The following PNP variants were observed in gnomAD, a reference collection of about 807,000 sequenced individuals.
PNP encodes HEL-S-156an.
In PNP, 18 loss-of-function variants were observed where a neutral mutation model predicts 26.8. The observed-to-expected ratio is 0.67, with a 90% confidence interval of 0.46 to 1.00. The LOEUF (loss-of-function observed/expected upper bound fraction) is 1.00. Among genes scored for constraint, PNP ranks in the 50% least tolerant of loss-of-function variants. The probability of loss-of-function intolerance (pLI) is 0.00; values close to 1 mark genes in which losing one functional copy is unlikely to be tolerated. For missense variants in PNP, 320 were observed against 362.9 expected (o/e 0.88, Z 0.96); for synonymous variants, 116 against 124.8 (o/e 0.93, Z 0.47).
chr14:20,472,760 G>T, intron 2 of PNP: 3 of 406,532 alleles, frequency 7.4e-6, no homozygotes, highest in Non-Finnish European at 1.3e-5. Context: ...TTGTTTATTT[G>T]GTTTACGTAA....
chr14:20,475,125 CAG>C lies in PNP; in HGVS notation c.526_527del (p.Ser176TyrfsTer10). 1 of 1,614,210 alleles carries C rather than the reference CAG, an allele frequency of 6.2e-7. No individual in the cohort carries two copies. Among genetic ancestry groups the C allele is most frequent in the Non-Finnish European group, 8.5e-7 (1 of 1,180,036 alleles). Reference protein sequence around the residue: ...YDRTMRQRALSTWKQMGEQRE... With the variant: ...YDRTMRQRALXTWKQMGEQRE... ...ACCGGACTATGAGGCAGAGGGCTCT[CAG>C]TACCTGGAAACAAATGGGGGAGCAA... On this transcript the variant is annotated frameshift_variant, in exon 5 of 6. Transcript: ENST00000361505. LOFTEE classifies it high-confidence loss of function.
At chr14:20,473,904 T>C (rs1760934) in intron 2 of PNP, 29,881 of 154,606 alleles carry the variant, frequency 0.19, 3,006 homozygotes, top group African/African-American at 0.21. Flanking sequence ...AGGGGTACAA[T>C]GCAGTTTTGT....
chr14:20,475,629 C>T (rs189239294), intron 5 of PNP, among the ~76,000 whole-genome samples: 4 of 152,188 alleles, frequency 2.6e-5, no homozygotes, highest in Admixed American at 1.3e-4. Context: ...GGATTACAGA[C>T]GTGTGCCACC....
In PNP at chr14:20,474,838, A is replaced by G. The variant is rs1469783565; in HGVS notation, c.351A>G (p.Ala117=). 1.2e-6 allele frequency: 2 copies of G among 1,614,200 alleles called. No individual in the cohort carries two copies. Among genetic ancestry groups the G allele is most frequent in the Non-Finnish European group, 8.5e-7 (1 of 1,180,024 alleles). ...ACACCCTGGTAGTCACCAATGCAGC[A>G]GGAGGGCTGAACCCCAAGTTTGAGG... is the stretch of plus-strand genomic sequence containing the variant. ...GVDTLVVTNA[A]GGLNPKFEVG... The change falls in exon 4 of 6, where the codon GCA becomes GCG. Residue 117 remains alanine, a synonymous_variant. Transcript: ENST00000361505.
Position 20,476,464 on chromosome 14 carries a change from G to C in PNP, c.733G>C (p.Val245Leu), listed in dbSNP as rs763812491. 1.2e-6 allele frequency: 2 copies of C among 1,614,130 alleles called. No homozygotes were observed. Among genetic ancestry groups the C allele is most frequent in the Non-Finnish European group, 1.7e-6 (2 of 1,179,996 alleles). The part of the protein sequence containing the change: ...VFGFSLITNK[V>L]IMDYESLEKA... ...TGGCTTCTCACTCATCACTAACAAG[G>C]TCATCATGGATTATGAAAGCCTGGA... The change falls in exon 6 of 6, where the codon GTC becomes CTC. Residue 245 changes from valine to leucine, a missense_variant. Physicochemically the swap from Val to Leu is conservative, Grantham distance 32 (BLOSUM62 1). Coordinates refer to ENST00000361505, the MANE Select transcript of PNP (RefSeq NM_000270.4).
At chr14:20,472,518 T>C (rs1350159364) in intron 2 of PNP, 41 bp downstream of exon 2, 2 of 1,583,910 alleles carry the variant, frequency 1.3e-6, no homozygotes, top group Non-Finnish European at 1.7e-6. Context: ...TGAGGGATGT[T>C]CTTGGAATTC....
At position 20,475,118 on chromosome 14, in the gene PNP, G is replaced by C. The variant is rs754239313; in HGVS notation, c.518G>C (p.Arg173Thr). 1 of 1,614,090 alleles carries C rather than the reference G, an allele frequency of 6.2e-7. No homozygotes were observed. Among genetic ancestry groups the C allele is most frequent in the African/African-American group, 1.3e-5 (1 of 74,914 alleles). Residue 173 changes from arginine (R) to threonine (T), a missense_variant, in exon 5 of 6, where the codon AGG becomes ACG. Arg to Thr is a moderately conservative substitution (Grantham distance 71, BLOSUM62 -1). Transcript: ENST00000361505. The stretch of plus-strand genomic sequence containing the variant: ...GCCTACGACCGGACTATGAGGCAGA[G>C]GGCTCTCAGTACCTGGAAACAAATG... ...SDAYDRTMRQRALSTWKQMGE... is the reference protein window; with the variant it reads ...SDAYDRTMRQTALSTWKQMGE...
chr14:20,475,336 T>C, intron 5 of PNP, 84 bp downstream of exon 5: 1 of 1,151,304 alleles, frequency 8.7e-7, no homozygotes, highest in Non-Finnish European at 1.2e-6. Flanking sequence ...ATAACAGGCC[T>C]CATTGGACTG....
At chr14:20,470,414 AG>A (rs1457569275) in intron 1 of PNP, 2 of 152,416 alleles carry the variant, frequency 1.3e-5, no homozygotes, top group Non-Finnish European at 2.9e-5. Context: ...TCCGTTGACC[AG>A]CCCCCAACCT....
At chr14:20,475,330 C>A (rs1882080149) in intron 5 of PNP, 78 bp downstream of exon 5, 4 of 1,251,622 alleles carry the variant, frequency 3.2e-6, no homozygotes, top group South Asian at 2.7e-5. Flanking sequence ...TAGGAAATAA[C>A]AGGCCTCATT....
At chr14:20,470,842 TATTCA>T (rs961632913) in intron 1 of PNP, among the ~76,000 whole-genome samples, 47 of 152,296 alleles carry the variant, frequency 3.1e-4, no homozygotes, top group African/African-American at 1.0e-3. Flanking sequence ...TGTTAGCAAG[TATTCA>T]ATTCATTTTC....
chr14:20,474,697 C>T (rs947302959), intron 3 of PNP, 76 bp from the exon 4 acceptor site: 45 of 1,567,816 alleles, frequency 2.9e-5, no homozygotes, highest in African/African-American at 4.0e-5. Flanking sequence ...TTTTCTTTCA[C>T]GATGTATGTC....
chr14:20,473,315 A>G (rs979638857), intron 2 of PNP: 2 of 151,716 alleles, frequency 1.3e-5, no homozygotes, highest in African/African-American at 4.9e-5. Context: ...TTATCTTTGC[A>G]CTCCCACGCA....
rs116925290 is a variant in PNP at position 20,472,102 on chromosome 14, G to A, written c.12-206G>A. On this transcript the variant is annotated intron_variant, in intron 1 of 5. Transcript: ENST00000361505. ...TTTGCCAGGCTCTAGAATGGAGGTA[G>A]TTTCATATCAGACTTGTAGTGGGCT... Among the ~76,000 whole-genome samples, 3 of 152,284 alleles carry A rather than the reference G, an allele frequency of 2.0e-5. No homozygotes were observed. In the East Asian group the frequency reaches 5.8e-4, roughly 29 times the overall value.
intron 1 of PNP, 140 bp from the exon 2 acceptor site, chr14:20,472,168 A>C: frequency 2.6e-6 from 2 of 759,650 alleles, no homozygotes; most frequent in Non-Finnish European, 4.8e-6. Flanking sequence ...GGAAGAGCAT[A>C]GTATGGCCTT....
rs768488828 is a variant in PNP, at chr14:20,476,618, C to T, written c.*17C>T. On this transcript the variant is annotated 3_prime_UTR_variant, in exon 6 of 6. Coordinates refer to ENST00000361505, the MANE Select transcript of PNP (RefSeq NM_000270.4). ...GCCAGTTGACCTGCCTTGGAGTCGT[C>T]TGGCATCTCCCACACAAGACCCAAG... 2.9e-5 allele frequency: 47 copies of T among 1,607,242 alleles called. No homozygotes were observed. Among genetic ancestry groups the T allele is most frequent in the Middle Eastern group, 1.7e-4 (1 of 6,044 alleles).
intron 4 of PNP, 40 bp from the exon 5 acceptor site, chr14:20,475,022 A>T (rs2139338244): frequency 6.2e-7 from 1 of 1,614,010 alleles, no homozygotes; most frequent in Non-Finnish European, 8.5e-7. Flanking sequence ...GAGAATTTTT[A>T]AAATTCCGTT....
chr14:20,476,333 A>G, intron 5 of PNP, 51 bp from the exon 6 acceptor site: 1 of 1,400,694 alleles, frequency 7.1e-7, no homozygotes, highest in Non-Finnish European at 1.0e-6. Flanking sequence ...GGGCAAGGAA[A>G]AGAGTTATTT....
chr14:20,471,410 T>TTGTG (rs763154191), intron 1 of PNP, among the ~76,000 whole-genome samples: 7 of 148,996 alleles, frequency 4.7e-5, no homozygotes, highest in Admixed American at 2.7e-4. Context: ...TGTGGGGGTT[T>TTGTG]TGTGTGTGTG....
Sources: allele counts gnomAD v4.1 joint callset (sites outside exome capture counted in the v4.1 genomes callset), GRCh38; gene constraint gnomAD v4.1.1; transcripts MANE v1.5; gene names NCBI Gene and HGNC (gene_info 2026-07-23, HGNC 2026-07-21).